Variants in MYBL2 observed in about 807,000 individuals in gnomAD.
MYBL2 encodes the protein myb-related protein B.
MYBL2 carries 28 observed loss-of-function variants against 79.9 expected under a neutral mutation model. That is an observed-to-expected ratio of 0.35 (90% CI 0.26 to 0.48). The LOEUF (loss-of-function observed/expected upper bound fraction) is 0.48, where lower values mean the gene tolerates loss of function less well. MYBL2 is among the 20% of genes least tolerant of loss of function. The probability of loss-of-function intolerance (pLI) is 0.99; values close to 1 mark genes in which losing one functional copy is unlikely to be tolerated. For synonymous variants in MYBL2, 378 were observed against 361.2 expected (o/e 1.05, Z -0.53); for missense variants, 735 against 893.9 (o/e 0.82, Z 2.27).
At chr20:43,687,412 C>CTTGA (rs1315000375) in intron 5 of MYBL2, among the ~76,000 whole-genome samples, 1 of 152,156 alleles carries the variant, frequency 6.6e-6, no homozygotes, top group Non-Finnish European at 1.5e-5. Context: ...ACAGAATAGG[C>CTTGA]TTGAGATGTG....
intron 2 of MYBL2, among the ~76,000 whole-genome samples, chr20:43,674,222 A>ACCC (rs1210924377): frequency 1.2e-4 from 5 of 40,344 alleles, no homozygotes; most frequent in African/African-American, 2.6e-4. Context: ...CAAATCTGTA[A>ACCC]CTCCCCCCAC....
Position 43,673,807 on chromosome 20 carries a change from G to C in MYBL2, c.22G>C (p.Glu8Gln). Residue 8 changes from glutamate (E) to glutamine (Q), a missense_variant and splice_region_variant, in exon 2 of 14, where the codon GAG becomes CAG. Physicochemically the swap from Glu to Gln is conservative, Grantham distance 29. This residue lies in a region of MYBL2 where 79 missense variants were observed against 86.7 expected (regional missense o/e 0.91). Coordinates refer to ENST00000217026, the MANE Select transcript of MYBL2 (RefSeq NM_002466.4). ...ACCCTTGGCCTGCTTTCCCCATAGCGAGGATCTGGATGAGCTGCACTACCA... is the reference window on the plus strand; with the variant it reads ...ACCCTTGGCCTGCTTTCCCCATAGCCAGGATCTGGATGAGCTGCACTACCA... MSRRTRCEDLDELHYQDT... is the reference protein window; with the variant it reads MSRRTRCQDLDELHYQDT... The C allele has an allele frequency of 6.4e-7, 1 of 1,567,404 alleles. No homozygotes were observed. Among genetic ancestry groups the C allele is most frequent in the Non-Finnish European group, 8.7e-7 (1 of 1,154,834 alleles).
At chr20:43,668,171 A>G (rs1281404611) in intron 1 of MYBL2, among the ~76,000 whole-genome samples, 1 of 148,684 alleles carries the variant, frequency 6.7e-6, no homozygotes, top group Non-Finnish European at 1.5e-5. Flanking sequence ...GGATCGCTGC[A>G]GCTCAGATAA....
At chr20:43,694,712 G>A (rs1987492367) in intron 6 of MYBL2, among the ~76,000 whole-genome samples, 1 of 152,148 alleles carries the variant, frequency 6.6e-6, no homozygotes, top group Non-Finnish European at 1.5e-5. Flanking sequence ...TTCTTTTTCT[G>A]GTTTCAACTC....
At chr20:43,701,955 C>T (rs957256649) in intron 7 of MYBL2, among the ~76,000 whole-genome samples, 1 of 152,170 alleles carries the variant, frequency 6.6e-6, no homozygotes, top group African/African-American at 2.4e-5. Context: ...CACCTGAGGT[C>T]AGGAGTTCGA....
intron 9 of MYBL2, 107 bp from the exon 10 acceptor site, chr20:43,709,856 T>A: frequency 1.1e-6 from 1 of 893,454 alleles, no homozygotes; most frequent in Middle Eastern, 2.3e-4. Flanking sequence ...GACGAGAACC[T>A]GTGCTGGGGC....
intron 11 of MYBL2, among the ~76,000 whole-genome samples, chr20:43,712,794 T>G (rs937658561): frequency 7.9e-5 from 12 of 152,108 alleles, no homozygotes; most frequent in South Asian, 6.2e-4. Context: ...GGGTCTACCT[T>G]GGGTACAGAG....
At chr20:43,675,050 G>A (rs1349091290) in intron 2 of MYBL2, among the ~76,000 whole-genome samples, 1 of 151,870 alleles carries the variant, frequency 6.6e-6, no homozygotes, top group East Asian at 1.9e-4. Flanking sequence ...TGCTAGCATG[G>A]CTCACTGTAG....
intron 1 of MYBL2, among the ~76,000 whole-genome samples, chr20:43,668,685 G>GT (rs3091868): frequency 0.038 from 4,050 of 106,188 alleles, 176 homozygotes; most frequent in African/African-American, 0.1. Context: ...CCCTGCCCTG[G>GT]TTTTTTTTTT....
chr20:43,681,434 T>C (rs1195168245), intron 2 of MYBL2, among the ~76,000 whole-genome samples: 1 of 152,220 alleles, frequency 6.6e-6, no homozygotes, highest in African/African-American at 2.4e-5. Flanking sequence ...CAAAATCATC[T>C]TGGATCTGTT....
intron 5 of MYBL2, 98 bp downstream of exon 5, chr20:43,687,170 T>C: frequency 1.6e-6 from 2 of 1,272,738 alleles, no homozygotes; most frequent in Non-Finnish European, 2.2e-6. Context: ...GGTCCTGTGC[T>C]CTTGTTCTGT....
Position 43,686,985 on chromosome 20 carries a change from G to A in MYBL2, c.413G>A (p.Trp138Ter), listed in dbSNP as rs1296164792. The A allele has an allele frequency of 6.2e-7, 1 of 1,614,170 alleles. No individual in the cohort carries two copies. Among genetic ancestry groups the A allele is most frequent in the Admixed American group, 1.7e-5 (1 of 60,020 alleles). Reference sequence around the variant, plus strand: ...AACCCTGAGGTGAAGAAGTCTTGCTGGACCGAGGAGGAGGACCGCATCATC... The same window carrying A: ...AACCCTGAGGTGAAGAAGTCTTGCTAGACCGAGGAGGAGGACCGCATCATC... ...HLNPEVKKSC[W>*]TEEEDRIICE... The change falls in exon 5 of 14, where the codon TGG (tryptophan) becomes TAG (stop). Residue 138 changes from tryptophan to a stop codon, truncating the protein, a stop_gained. Transcript: ENST00000217026. LOFTEE classifies it high-confidence loss of function.
intron 2 of MYBL2, among the ~76,000 whole-genome samples, chr20:43,674,571 T>G (rs1304592925): frequency 2.0e-5 from 3 of 151,792 alleles, no homozygotes; most frequent in South Asian, 4.2e-4. Context: ...TTTTTTGTAT[T>G]TTTAGTAGAT....
chr20:43,703,946 T>C (rs1043438632), intron 8 of MYBL2, among the ~76,000 whole-genome samples: 5 of 152,184 alleles, frequency 3.3e-5, no homozygotes, highest in Non-Finnish European at 5.9e-5. Flanking sequence ...TTATTTTTTC[T>C]TGTAAAACCT....
intron 5 of MYBL2, among the ~76,000 whole-genome samples, chr20:43,689,163 T>C (rs1486959683): frequency 6.6e-6 from 1 of 152,204 alleles, no homozygotes; most frequent in African/African-American, 2.4e-5. Flanking sequence ...GTGGCTGTCT[T>C]CTACCTGTTT....
chr20:43,686,275 A>G (rs1201711767), intron 4 of MYBL2, among the ~76,000 whole-genome samples: 2 of 151,610 alleles, frequency 1.3e-5, no homozygotes, highest in Non-Finnish European at 2.9e-5. Context: ...GTGGCTGCGT[A>G]TGTTGTGGTT....
intron 11 of MYBL2, among the ~76,000 whole-genome samples, chr20:43,712,054 G>A (rs1987920133): frequency 6.6e-6 from 1 of 151,840 alleles, no homozygotes; most frequent in African/African-American, 2.4e-5. Flanking sequence ...GCCAGGCCAG[G>A]CAGTGCCTGG....
rs1987802746 is a variant in MYBL2, at chr20:43,706,984, G to T, written c.1505+1626G>T. ...TCGCCTCGGCTTCCCAAAGTGCTGG[G>T]ATTATATGTGTGAGCCACTGCTCCC... On this transcript the variant is annotated intron_variant, in intron 9 of 13. Transcript: ENST00000217026. 2.0e-5 allele frequency among the ~76,000 whole-genome samples: 3 copies of T among 150,046 alleles called. No individual in the cohort carries two copies. The South Asian group carries it at 6.7e-4, about 33-fold the overall frequency.
rs200919465 is a variant in MYBL2 at position 43,708,434 on chromosome 20, C to CT, written c.1506-1521dup. Among the ~76,000 whole-genome samples the CT allele has an allele frequency of 6.7e-3, 1,022 of 151,872 alleles. 9 individuals carry two copies. Among genetic ancestry groups the CT allele is most frequent in the South Asian group, 0.036 (175 of 4,798 alleles). On this transcript the variant is annotated intron_variant, in intron 9 of 13. Coordinates refer to ENST00000217026, the MANE Select transcript of MYBL2 (RefSeq NM_002466.4). ...GTTTTCTAATGTGTGTATATACACT[C>CT]TTTTTTTTCTTTTTTCCGAGACAAG... is the stretch of plus-strand genomic sequence containing the variant.
Sources: allele counts gnomAD v4.1 joint callset (sites outside exome capture counted in the v4.1 genomes callset), GRCh38; gene constraint gnomAD v4.1.1; regional missense constraint gnomAD v4.1.1; transcripts MANE v1.5; gene names NCBI Gene and HGNC (gene_info 2026-07-23, HGNC 2026-07-21).